Variants in CD163L1 observed in about 807,000 individuals in gnomAD.
The protein encoded by CD163L1 is CD163 molecule like 1.
A neutral mutation model predicts 165.4 loss-of-function variants in CD163L1; 124 were observed. That is an observed-to-expected ratio of 0.75 (90% confidence interval 0.65 to 0.87). The LOEUF (loss-of-function observed/expected upper bound fraction) is 0.87. CD163L1 is among the 40% of genes least tolerant of loss of function. CD163L1 has a pLI of 0.00. For missense variants in CD163L1, 1,525 were observed against 1,799.9 expected (o/e 0.85, Z 2.76); for synonymous variants, 585 against 662.2 (o/e 0.88, Z 1.79).
At chr12:7,322,542 G>C in the CD163L1 span, 3 of 1,612,854 alleles carry the variant, frequency 1.9e-6, no homozygotes, top group Non-Finnish European at 2.5e-6. Context: ...GACGGAAGTG[G>C]TATATCTAAA....
Position 7,403,457 on chromosome 12 carries a change from A to T in CD163L1, c.1408+78T>A, listed in dbSNP as rs950513345. On this transcript the variant is annotated intron_variant, in intron 6 of 19. Transcript: ENST00000313599. ...TTAAGGTCCAGAAAACCTTTTCTTC[A>T]AGCTATTGTTTCTAACCTCCCAACA... 5 of 1,381,692 alleles carry T rather than the reference A, an allele frequency of 3.6e-6. No individual in the cohort carries two copies. In the Admixed American group the frequency reaches 1.2e-4, roughly 33 times the overall value. The allele number at this position is 1,381,692 out of a possible 1,614,324, so 85.6% of individuals were successfully genotyped here.
intron 8 of CD163L1, among the ~76,000 whole-genome samples, chr12:7,380,326 T>C (rs1384914358): frequency 2.7e-5 from 4 of 148,272 alleles, no homozygotes; most frequent in Admixed American, 6.6e-5. Flanking sequence ...TACATATATG[T>C]ATGTATACAC....
intron 18 of CD163L1, among the ~76,000 whole-genome samples, chr12:7,362,915 T>C (rs1377556700): frequency 1.3e-5 from 2 of 151,278 alleles, no homozygotes; most frequent in Admixed American, 1.3e-4. Flanking sequence ...ATATATGCCA[T>C]GGAATACTAC....
chr12:7,439,465 G>A (rs1266711264), intron 2 of CD163L1: 27 of 1,583,448 alleles, frequency 1.7e-5, no homozygotes, highest in Non-Finnish European at 3.4e-6. Flanking sequence ...TAGCTTCCCG[G>A]CCTTTGCTTT....
downstream of CD163L1, among the ~76,000 whole-genome samples, chr12:7,350,034 C>A (rs1026682495): frequency 6.6e-6 from 1 of 152,198 alleles, no homozygotes; most frequent in African/African-American, 2.4e-5. Flanking sequence ...CCCTTCTCTT[C>A]TCTGAGCTCC....
At chr12:7,378,499 C>CAAG (rs1326504542) in intron 9 of CD163L1, among the ~76,000 whole-genome samples, 2 of 152,164 alleles carry the variant, frequency 1.3e-5, no homozygotes, top group African/African-American at 4.8e-5. Context: ...GCCTACATAT[C>CAAG]AAGACTTTAT....
At chr12:7,353,809 T>C (rs1026509101), downstream of CD163L1, among the ~76,000 whole-genome samples, 12 of 152,072 alleles carry the variant, frequency 7.9e-5, no homozygotes, top group Non-Finnish European at 1.3e-4. Flanking sequence ...TTTCTAAACA[T>C]AGAAATAGGG....
chr12:7,378,968 C>A lies in CD163L1; in HGVS notation c.2371+10G>T. 1 of 1,587,080 alleles carries A rather than the reference C, an allele frequency of 6.3e-7. No homozygotes were observed. Among genetic ancestry groups the A allele is most frequent in the South Asian group, 1.1e-5 (1 of 88,970 alleles). On this transcript the variant is annotated intron_variant, in intron 9 of 19. Coordinates refer to ENST00000313599, the MANE Select transcript of CD163L1 (RefSeq NM_174941.6). ...TTAAATAAATGTGTTTATCTTTGTC[C>A]AGAAATTACCTGAGCAGATCAAACT... is the stretch of plus-strand genomic sequence containing the variant.
At chr12:7,443,802 T>G (rs1028826070) in intron 1 of CD163L1, among the ~76,000 whole-genome samples, 1 of 152,198 alleles carries the variant, frequency 6.6e-6, no homozygotes, top group East Asian at 1.9e-4. Flanking sequence ...GTTTCTAATT[T>G]ATCCCTTCTT....
chr12:7,375,039 C>A, intron 11 of CD163L1, 116 bp from the exon 12 acceptor site: 1 of 1,009,150 alleles, frequency 9.9e-7, no homozygotes, highest in Non-Finnish European at 1.5e-6. Flanking sequence ...CAAACCCTGT[C>A]GTCTATTGAA....
intron 8 of CD163L1, among the ~76,000 whole-genome samples, chr12:7,386,412 C>T (rs1591909008): frequency 6.6e-6 from 1 of 151,878 alleles, no homozygotes. Context: ...AACATCAATT[C>T]TTTTCAAACT....
intron 7 of CD163L1, among the ~76,000 whole-genome samples, chr12:7,397,093 C>T (rs2136500912): frequency 6.6e-6 from 1 of 152,210 alleles, no homozygotes; most frequent in Middle Eastern, 3.4e-3. Flanking sequence ...ACTGATAATC[C>T]ATGGCATGAT....
chr12:7,326,888 T>C, the CD163L1 span: 1 of 1,378,846 alleles, frequency 7.3e-7, no homozygotes, highest in Non-Finnish European at 9.7e-7. Context: ...TATTAATAAA[T>C]AGTAAGCACC....
rs777420282 is a variant in CD163L1 at position 7,381,079 on chromosome 12, ATTGT to A, written c.2051-1785_2051-1782del. On this transcript the variant is annotated intron_variant, in intron 8 of 19. Transcript: ENST00000313599. ...TATAAATGGTATCAGCTTCTTTTCT[ATTGT>A]TTTAGTTAAAAATAAAAATTCACAT... 1.4e-3 allele frequency among the ~76,000 whole-genome samples: 220 copies of A among 152,202 alleles called. 1 individual carries two copies. Among genetic ancestry groups the A allele is most frequent in the African/African-American group, 3.1e-3 (129 of 41,560 alleles).
intron 9 of CD163L1, among the ~76,000 whole-genome samples, chr12:7,376,924 A>C (rs1472172085): frequency 6.6e-6 from 1 of 152,210 alleles, no homozygotes; most frequent in Non-Finnish European, 1.5e-5. Flanking sequence ...GAGGTTATTT[A>C]AAATGATGTA....
At chr12:7,334,173 C>T in the CD163L1 span, among the ~76,000 whole-genome samples, 23,935 of 151,060 alleles carry the variant, frequency 0.16, 2,024 homozygotes, top group Admixed American at 0.27. Context: ...CAAAGCCTGG[C>T]AGAGACACAA....
chr12:7,349,610 T>C (rs1240639049), intron 4 of CD163L1, among the ~76,000 whole-genome samples: 1 of 152,200 alleles, frequency 6.6e-6, no homozygotes, highest in Non-Finnish European at 1.5e-5. Flanking sequence ...CCTACAATTG[T>C]CGTGGCCACA....
At chr12:7,427,885 CA>C (rs1362610828) in intron 4 of CD163L1, among the ~76,000 whole-genome samples, 1 of 152,068 alleles carries the variant, frequency 6.6e-6, no homozygotes, top group Non-Finnish European at 1.5e-5. Flanking sequence ...TAAGTCTCAT[CA>C]AACACATTAT....
intron 5 of CD163L1, among the ~76,000 whole-genome samples, chr12:7,406,310 A>G (rs1948013251): frequency 6.6e-6 from 1 of 152,170 alleles, no homozygotes; most frequent in South Asian, 2.1e-4. Flanking sequence ...GGGGGTGGGT[A>G]AAAACCTTAT....
Sources: allele counts gnomAD v4.1 joint callset (sites outside exome capture counted in the v4.1 genomes callset), GRCh38; gene constraint gnomAD v4.1.1; transcripts MANE v1.5; gene names NCBI Gene and HGNC (gene_info 2026-07-23, HGNC 2026-07-21).